LIN7A: variants seen among roughly 807,000 people sequenced by gnomAD.
LIN7A encodes lin-7 cell polarity scaffold A.
A neutral mutation model predicts 29.8 loss-of-function variants in LIN7A; 25 were observed. That is an observed-to-expected ratio of 0.84 (90% CI 0.61 to 1.17). The LOEUF is 1.17. Ranked by LOEUF, LIN7A falls within the 50% of genes most tolerant of loss-of-function variation. The pLI is 0.00. For synonymous variants in LIN7A, 118 were observed against 107.5 expected, an observed-to-expected ratio of 1.10 and a Z score of -0.60; for missense variants, 239 against 287.0, an observed-to-expected ratio of 0.83 and a Z score of 1.21.
chr12:80,805,758 G>T (rs780611969), intron 5 of LIN7A, among the ~76,000 whole-genome samples: 10 of 152,052 alleles, frequency 6.6e-5, no homozygotes, highest in Admixed American at 2.6e-4. Flanking sequence ...CAGAATTCCC[G>T]TGTTGTGGAA....
At chr12:80,857,475 T>C (rs1220924226) in intron 2 of LIN7A, among the ~76,000 whole-genome samples, 2 of 152,102 alleles carry the variant, frequency 1.3e-5, no homozygotes, top group Non-Finnish European at 2.9e-5. Flanking sequence ...ACCATCTTAA[T>C]AGCACTGAAA....
intron 1 of LIN7A, among the ~76,000 whole-genome samples, chr12:80,901,632 G>A (rs552870891): frequency 6.6e-6 from 1 of 152,208 alleles, no homozygotes; most frequent in South Asian, 2.1e-4. Context: ...AATTGCTGAA[G>A]AGACACCCCA....
chr12:80,873,408 C>T (rs1331883326), intron 2 of LIN7A, among the ~76,000 whole-genome samples: 1 of 151,828 alleles, frequency 6.6e-6, no homozygotes, highest in African/African-American at 2.4e-5. Context: ...TTGCACAAGC[C>T]TGTAGTTCTA....
chr12:80,814,276 A>T (rs1449386656), intron 4 of LIN7A, among the ~76,000 whole-genome samples: 1 of 152,196 alleles, frequency 6.6e-6, no homozygotes, highest in African/African-American at 2.4e-5. Context: ...TATTTTCAGT[A>T]TGTTTGTAAT....
chr12:80,903,734 T>C (rs1012517663), intron 1 of LIN7A, among the ~76,000 whole-genome samples: 22 of 151,754 alleles, frequency 1.4e-4, no homozygotes, highest in Non-Finnish European at 2.9e-4. Context: ...AGTAGTAGAG[T>C]TCTATTTTTG....
At chr12:80,897,188 T>G (rs1372644042) in intron 1 of LIN7A, among the ~76,000 whole-genome samples, 2 of 152,176 alleles carry the variant, frequency 1.3e-5, no homozygotes, top group Non-Finnish European at 2.9e-5. Flanking sequence ...CCTTCCTTTC[T>G]GTTTCAGCTT....
chr12:80,824,337 G>A (rs1392302954), intron 4 of LIN7A, among the ~76,000 whole-genome samples: 1 of 151,778 alleles, frequency 6.6e-6, no homozygotes, highest in Non-Finnish European at 1.5e-5. Context: ...TCTCTGAACA[G>A]ACTAATAACA....
At chr12:80,805,004 T>A (rs965628712) in intron 5 of LIN7A, among the ~76,000 whole-genome samples, 6 of 152,218 alleles carry the variant, frequency 3.9e-5, no homozygotes, top group Admixed American at 6.5e-5. Flanking sequence ...AGTGCAGATA[T>A]CTGCAGTGGG....
rs533887463 is a variant in LIN7A at position 80,808,784 on chromosome 12, C to T, written c.*2681G>A. On this transcript the variant is annotated intron_variant, in intron 5 of 5. Coordinates refer to ENST00000552864, the MANE Select transcript of LIN7A (RefSeq NM_004664.4). Reference sequence around the variant, plus strand: ...CCTCCCAAAGTGCTGGGATTACAGGCGTGAGCCACCACGCTTGGCTCCCAA... The same window carrying T: ...CCTCCCAAAGTGCTGGGATTACAGGTGTGAGCCACCACGCTTGGCTCCCAA... Among the ~76,000 whole-genome samples, 21 of 152,080 alleles carry T rather than the reference C, an allele frequency of 1.4e-4. No homozygotes were observed. In the East Asian group the frequency reaches 2.1e-3, roughly 15 times the overall value.
chr12:80,809,949 C>T (rs1179531107), intron 5 of LIN7A, among the ~76,000 whole-genome samples: 3 of 152,154 alleles, frequency 2.0e-5, no homozygotes, highest in Admixed American at 1.3e-4. Context: ...TGCATGTATA[C>T]ATTGTGGAAT....
At chr12:80,815,265 C>G (rs1871479424) in intron 4 of LIN7A, among the ~76,000 whole-genome samples, 1 of 152,274 alleles carries the variant, frequency 6.6e-6, no homozygotes, top group Non-Finnish European at 1.5e-5. Flanking sequence ...TTCTCTTCTT[C>G]TTTCTTTCCC....
In LIN7A at chr12:80,843,911, A is replaced by G. The variant is rs1178447712; in HGVS notation, c.483+1819T>C. The stretch of plus-strand genomic sequence containing the variant: ...TACAGTGTGTTCCCTGCAAATGTTT[A>G]TGCTAAACAAGGTCTGTTTAGCTCC... On this transcript the variant is annotated intron_variant, in intron 4 of 5. Coordinates refer to ENST00000552864, the MANE Select transcript of LIN7A (RefSeq NM_004664.4). 2.6e-5 allele frequency among the ~76,000 whole-genome samples: 4 copies of G among 152,106 alleles called. No individual in the cohort carries two copies. The East Asian group carries it at 5.8e-4, about 22-fold the overall frequency.
intron 1 of LIN7A, among the ~76,000 whole-genome samples, chr12:80,923,911 G>A (rs553484428): frequency 6.6e-6 from 1 of 152,272 alleles, no homozygotes; most frequent in East Asian, 1.9e-4. Context: ...TTGTTGTGAA[G>A]ATTAATTGAA....
chr12:80,916,982 T>C (rs1046442787), intron 1 of LIN7A, among the ~76,000 whole-genome samples: 3 of 152,136 alleles, frequency 2.0e-5, no homozygotes, highest in African/African-American at 7.2e-5. Context: ...AAATAAACAT[T>C]GGCATATGGT....
intron 2 of LIN7A, among the ~76,000 whole-genome samples, chr12:80,873,721 A>G (rs1340306758): frequency 2.6e-5 from 4 of 152,154 alleles, no homozygotes; most frequent in Non-Finnish European, 5.9e-5. Context: ...TGTTTCCAGT[A>G]GCAAGATTGA....
intron 4 of LIN7A, among the ~76,000 whole-genome samples, chr12:80,838,096 C>T (rs1309144803): frequency 3.9e-5 from 6 of 152,044 alleles, no homozygotes; most frequent in African/African-American, 9.7e-5. Flanking sequence ...AGTCAAATAC[C>T]CATTACCAGC....
intron 1 of LIN7A, among the ~76,000 whole-genome samples, chr12:80,914,141 C>G (rs1211796623): frequency 6.6e-6 from 1 of 152,132 alleles, no homozygotes; most frequent in Non-Finnish European, 1.5e-5. Flanking sequence ...TCCCATTACT[C>G]CTCCTCAAGT....
At chr12:80,910,024 A>G (rs1483786197) in intron 1 of LIN7A, among the ~76,000 whole-genome samples, 1 of 152,156 alleles carries the variant, frequency 6.6e-6, no homozygotes, top group Non-Finnish European at 1.5e-5. Flanking sequence ...CCCTTGAACA[A>G]TGGTATATTA....
intron 2 of LIN7A, among the ~76,000 whole-genome samples, chr12:80,863,826 G>A (rs751968515): frequency 3.7e-4 from 57 of 152,214 alleles, no homozygotes; most frequent in South Asian, 8.3e-4. Flanking sequence ...CATAGGGTAA[G>A]GACATTTCTT....
Sources: allele counts gnomAD v4.1 joint callset (sites outside exome capture counted in the v4.1 genomes callset), GRCh38; gene constraint gnomAD v4.1.1; transcripts MANE v1.5; gene names NCBI Gene and HGNC (gene_info 2026-07-23, HGNC 2026-07-21).